Variants in CPS1 observed in about 807,000 individuals in gnomAD.
The protein encoded by CPS1 is carbamoyl-phosphate synthase 1, also known as carbamoyl-phosphate synthase [ammonia], mitochondrial.
In CPS1, 109 loss-of-function variants were observed where a neutral mutation model predicts 174.6. The ratio of observed to expected loss-of-function variants is 0.62; its 90% confidence interval spans 0.53 to 0.73. The LOEUF (loss-of-function observed/expected upper bound fraction) is 0.73. Among genes scored for constraint, CPS1 ranks in the 30% least tolerant of loss-of-function variants. CPS1 has a pLI of 0.00. For synonymous variants in CPS1, 637 were observed against 632.0 expected (o/e 1.01, Z -0.12); for missense variants, 1,689 against 1,821.9 (o/e 0.93, Z 1.33).
intron 13 of CPS1, among the ~76,000 whole-genome samples, chr2:210,599,040 G>T (rs1698606428): frequency 6.6e-6 from 1 of 151,738 alleles, no homozygotes; most frequent in African/African-American, 2.4e-5. Flanking sequence ...TTCTTTTAAG[G>T]TTGATTGAAC....
At chr2:210,624,429 C>A (rs950898204) in intron 21 of CPS1, among the ~76,000 whole-genome samples, 1 of 152,006 alleles carries the variant, frequency 6.6e-6, no homozygotes, top group African/African-American at 2.4e-5. Flanking sequence ...ATATAATGAA[C>A]CTCTTCAGGT....
At chr2:210,551,335 T>A (rs550618237) in intron 1 of CPS1, among the ~76,000 whole-genome samples, 3 of 152,138 alleles carry the variant, frequency 2.0e-5, no homozygotes, top group Admixed American at 2.0e-4. Flanking sequence ...CCTTTTACAT[T>A]GGCAATAACT....
chr2:210,666,647 C>T (rs1168258397), intron 33 of CPS1, among the ~76,000 whole-genome samples: 4 of 152,108 alleles, frequency 2.6e-5, no homozygotes, highest in African/African-American at 7.2e-5. Flanking sequence ...AGATATGCGG[C>T]GTTATTTCTG....
Position 210,626,000 on chromosome 2 carries a change from C to T in CPS1, c.2687+9459C>T, listed in dbSNP as rs907943829. Among the ~76,000 whole-genome samples the T allele has an allele frequency of 2.0e-5, 3 of 152,028 alleles. No individual in the cohort carries two copies. The South Asian group carries it at 6.2e-4, about 31-fold the overall frequency. On this transcript the variant is annotated intron_variant, in intron 21 of 37. Coordinates refer to ENST00000233072, the MANE Select transcript of CPS1 (RefSeq NM_001875.5). ...GCCACACAGTCTTACTTCATTGTTCCGTAAATATTGCATATATCCTAATAT... is the reference window on the plus strand; with the variant it reads ...GCCACACAGTCTTACTTCATTGTTCTGTAAATATTGCATATATCCTAATAT...
intron 1 of CPS1, among the ~76,000 whole-genome samples, chr2:210,508,205 G>A (rs1343435438): frequency 6.6e-6 from 1 of 151,272 alleles, no homozygotes; most frequent in Non-Finnish European, 1.5e-5. Context: ...AATCAAACTA[G>A]AACTCAGGAT....
At chr2:210,502,865 T>A (rs567172234) in intron 1 of CPS1, among the ~76,000 whole-genome samples, 1 of 152,284 alleles carries the variant, frequency 6.6e-6, no homozygotes, top group African/African-American at 2.4e-5. Flanking sequence ...TAAGGAAGGG[T>A]TGAATTAGCT....
chr2:210,510,728 A>G (rs1446729563), intron 1 of CPS1, among the ~76,000 whole-genome samples: 3 of 152,248 alleles, frequency 2.0e-5, no homozygotes, highest in Non-Finnish European at 4.4e-5. Flanking sequence ...AAGGATATGA[A>G]CAGACGCTTC....
At chr2:210,609,698 C>G (rs1699042723) in intron 19 of CPS1, among the ~76,000 whole-genome samples, 1 of 151,792 alleles carries the variant, frequency 6.6e-6, no homozygotes, top group Admixed American at 6.6e-5. Flanking sequence ...GTCTATGTAT[C>G]TAAGTTGATT....
Position 210,668,198 on chromosome 2 carries a change from G to C in CPS1, c.4015G>C (p.Gly1339Arg). 2 of 1,612,842 alleles carry C rather than the reference G, an allele frequency of 1.2e-6. No individual in the cohort carries two copies. The highest frequency in any genetic ancestry group is 3.3e-4 in the Middle Eastern group (2 of 6,054). The stretch of plus-strand genomic sequence containing the variant: ...TATTTCTAAACAGGTGGCTTGCTTT[G>C]GTGAAGGTATTCATACAGCCTTCCT... ...MASTGEVACF[G>R]EGIHTAFLKA... The change falls in exon 34 of 38, where the codon GGT (glycine) becomes CGT (arginine). Residue 1339 changes from glycine (G) to arginine (R), a missense_variant. Coordinates refer to ENST00000233072, the MANE Select transcript of CPS1 (RefSeq NM_001875.5).
intron 21 of CPS1, among the ~76,000 whole-genome samples, chr2:210,620,474 A>G (rs889024988): frequency 6.6e-6 from 1 of 152,214 alleles, no homozygotes; most frequent in South Asian, 2.1e-4. Flanking sequence ...TTGCATTGCT[A>G]TGAAGAAATA....
intron 1 of CPS1, among the ~76,000 whole-genome samples, chr2:210,566,732 A>G (rs1313635248): frequency 6.6e-6 from 1 of 152,200 alleles, no homozygotes; most frequent in Non-Finnish European, 1.5e-5. Flanking sequence ...CAAGTGTAAA[A>G]TGGAGATTTC....
intron 1 of CPS1, among the ~76,000 whole-genome samples, chr2:210,490,408 C>A (rs1017334102): frequency 3.3e-5 from 5 of 152,256 alleles, no homozygotes; most frequent in Non-Finnish European, 5.9e-5. Context: ...AATCTTGCAT[C>A]TAGTACATGA....
At chr2:210,561,437 G>A (rs535733033) in intron 1 of CPS1, among the ~76,000 whole-genome samples, 8 of 152,252 alleles carry the variant, frequency 5.3e-5, no homozygotes, top group African/African-American at 1.7e-4. Flanking sequence ...ACTTTCTGAC[G>A]ATCTAGAGGT....
intron 1 of CPS1, among the ~76,000 whole-genome samples, chr2:210,565,180 C>T (rs1253021891): frequency 6.6e-6 from 1 of 151,938 alleles, no homozygotes; most frequent in East Asian, 1.9e-4. Context: ...TTTAGTCCTT[C>T]TAAATATTGT....
chr2:210,665,018 A>C (rs759868353), intron 33 of CPS1, among the ~76,000 whole-genome samples: 1 of 152,220 alleles, frequency 6.6e-6, no homozygotes, highest in Non-Finnish European at 1.5e-5. Flanking sequence ...TTAATGGCAC[A>C]TTTAACTACT....
intron 1 of CPS1, among the ~76,000 whole-genome samples, chr2:210,533,047 C>G (rs1241593128): frequency 6.6e-6 from 1 of 151,978 alleles, no homozygotes; most frequent in South Asian, 2.1e-4. Context: ...GGAAGAGCAA[C>G]GGTGAGCGGG....
chr2:210,567,384 A>C (rs1697337961), intron 1 of CPS1, among the ~76,000 whole-genome samples: 1 of 152,312 alleles, frequency 6.6e-6, no homozygotes, highest in Admixed American at 6.5e-5. Context: ...AGGGAGAATT[A>C]TTATTAGTTA....
intron 1 of CPS1, among the ~76,000 whole-genome samples, chr2:210,548,769 G>A (rs1465216250): frequency 6.6e-6 from 1 of 151,916 alleles, no homozygotes; most frequent in Non-Finnish European, 1.5e-5. Flanking sequence ...CCTGCCCTAT[G>A]ACTCAACTTA....
chr2:210,497,239 G>C (rs1250952749), intron 1 of CPS1, among the ~76,000 whole-genome samples: 1 of 152,068 alleles, frequency 6.6e-6, no homozygotes, highest in African/African-American at 2.4e-5. Flanking sequence ...TCATAAAGAA[G>C]AATTTATCCT....
Sources: gnomAD v4.1 joint callset for allele counts (sites outside exome capture counted in the v4.1 genomes callset) on GRCh38, gnomAD v4.1.1 for gene constraint, MANE v1.5 for transcripts, NCBI Gene and HGNC (gene_info 2026-07-23, HGNC 2026-07-21) for gene names.